PIWIL2: variants seen among roughly 807,000 people sequenced by gnomAD.
The protein encoded by PIWIL2 is piwi-like protein 2.
In PIWIL2, 81 loss-of-function variants were observed where a neutral mutation model predicts 116.5. The ratio of observed to expected loss-of-function variants is 0.70; its 90% CI spans 0.58 to 0.84. PIWIL2 has a LOEUF of 0.84. PIWIL2 is among the 40% of genes least tolerant of loss of function. The pLI is 0.00. For synonymous variants in PIWIL2, 489 were observed against 429.5 expected, an observed-to-expected ratio of 1.14 and a Z score of -1.71; for missense variants, 1,272 against 1,212.3, an observed-to-expected ratio of 1.05 and a Z score of -0.73.
chr8:22,283,279 C>T (rs377731017), intron 5 of PIWIL2, 39 bp downstream of exon 5: 97 of 1,493,934 alleles, frequency 6.5e-5, no homozygotes, highest in South Asian at 4.7e-4. Context: ...TAGTAATGAT[C>T]GTGAAAACTC....
At chr8:22,320,154 G>A (rs1427205390) in intron 20 of PIWIL2, among the ~76,000 whole-genome samples, 1 of 151,844 alleles carries the variant, frequency 6.6e-6, no homozygotes, top group East Asian at 1.9e-4. Flanking sequence ...GTAGAGACAG[G>A]GTTTCGGCGT....
chr8:22,292,753 T>G (rs1830793707), intron 10 of PIWIL2, among the ~76,000 whole-genome samples: 1 of 152,220 alleles, frequency 6.6e-6, no homozygotes, highest in East Asian at 1.9e-4. Flanking sequence ...AAAAGGAGAT[T>G]GGTCGTTTGT....
chr8:22,316,551 A>G (rs978955549), intron 19 of PIWIL2, among the ~76,000 whole-genome samples: 3 of 151,678 alleles, frequency 2.0e-5, no homozygotes, highest in Non-Finnish European at 2.9e-5. Flanking sequence ...GTGCTATCTT[A>G]GCTCACTGCA....
At chr8:22,331,125 A>C (rs1012830478) in intron 20 of PIWIL2, among the ~76,000 whole-genome samples, 2 of 152,294 alleles carry the variant, frequency 1.3e-5, no homozygotes, top group East Asian at 3.9e-4. Context: ...GCAGTGAGCC[A>C]AGATTGTGCC....
chr8:22,331,165 G>T (rs1831853586), intron 20 of PIWIL2, among the ~76,000 whole-genome samples: 1 of 151,988 alleles, frequency 6.6e-6, no homozygotes, highest in South Asian at 2.1e-4. Context: ...TACAGAGCGA[G>T]ACTCTGTCTC....
rs765883765 is a variant in PIWIL2, at chr8:22,279,366, C to T, written c.-21C>T. The T allele has an allele frequency of 5.4e-5, 87 of 1,596,900 alleles. 1 individual carries two copies. The highest frequency in any genetic ancestry group is 3.5e-4 in the South Asian group (32 of 90,744). ...GTAATTAACCAGAACAGGATCGACA[C>T]GTGTTCTCTACAGCCCGTCCATGGA... On this transcript the variant is annotated 5_prime_UTR_variant, in exon 2 of 23. The change creates a new upstream start codon in the 5' untranslated region. Transcript: ENST00000356766.
intron 10 of PIWIL2, among the ~76,000 whole-genome samples, chr8:22,298,132 C>A (rs531358304): frequency 7.2e-5 from 11 of 152,192 alleles, no homozygotes; most frequent in Non-Finnish European, 1.6e-4. Flanking sequence ...CGGCACACAT[C>A]TGTTATCCCA....
intron 10 of PIWIL2, among the ~76,000 whole-genome samples, chr8:22,295,705 T>C (rs538013901): frequency 2.0e-5 from 3 of 152,270 alleles, no homozygotes; most frequent in East Asian, 1.9e-4. Context: ...CCTGTTCTTA[T>C]GGATCACTGG....
chr8:22,342,552 T>A (rs183653220), intron 20 of PIWIL2, among the ~76,000 whole-genome samples: 5 of 152,330 alleles, frequency 3.3e-5, no homozygotes, highest in African/African-American at 9.6e-5. Flanking sequence ...AAAATGGTGC[T>A]GGAACAAGTG....
At chr8:22,289,759 G>T in intron 8 of PIWIL2, 88 bp from the exon 9 acceptor site, 1 of 787,780 alleles carries the variant, frequency 1.3e-6, no homozygotes, top group South Asian at 1.5e-5. Flanking sequence ...TAACCGTTCA[G>T]ACTTCCAAAG....
chr8:22,356,633 A>G lies in PIWIL2; in HGVS notation c.*1128A>G, dbSNP rs1291809389. ...CTTTTCTCCCAGGTGTGTGGCCTTT[A>G]TTTCTATTTATATATGTTTGTAAAT... On this transcript the variant is annotated 3_prime_UTR_variant, in exon 23 of 23. Transcript: ENST00000356766. The G allele has an allele frequency of 6.6e-6, 1 of 151,964 alleles. No individual in the cohort carries two copies. Among genetic ancestry groups the G allele is most frequent in the Non-Finnish European group, 1.5e-5 (1 of 67,984 alleles). 9.4% of individuals were successfully genotyped at this position (151,964 alleles called of 1,614,324 possible).
intron 20 of PIWIL2, among the ~76,000 whole-genome samples, chr8:22,332,648 A>G (rs891581855): frequency 2.0e-5 from 3 of 152,146 alleles, no homozygotes; most frequent in African/African-American, 7.2e-5. Context: ...GCTAACATCA[A>G]AATAAACAGC....
At chr8:22,294,532 T>G (rs1415304710) in intron 10 of PIWIL2, among the ~76,000 whole-genome samples, 1 of 147,208 alleles carries the variant, frequency 6.8e-6, no homozygotes, top group Non-Finnish European at 1.5e-5. Flanking sequence ...TCCCAGCTAC[T>G]CAGGAGGATG....
At chr8:22,309,005 A>G (rs1054296540) in intron 14 of PIWIL2, among the ~76,000 whole-genome samples, 1 of 151,668 alleles carries the variant, frequency 6.6e-6, no homozygotes, top group Non-Finnish European at 1.5e-5. Context: ...CTTGTTGGCC[A>G]GGCTGGAGTG....
chr8:22,330,300 A>G (rs914240949), intron 20 of PIWIL2, among the ~76,000 whole-genome samples: 2 of 152,026 alleles, frequency 1.3e-5, no homozygotes, highest in African/African-American at 2.4e-5. Context: ...TCTTTCTTGT[A>G]ATTTCTGTGC....
chr8:22,310,960 T>TA, intron 15 of PIWIL2, 152 bp from the exon 16 acceptor site: 1 of 647,168 alleles, frequency 1.5e-6, no homozygotes, highest in Non-Finnish European at 2.6e-6. Flanking sequence ...ACAGTTTTCT[T>TA]ATCATGTACG....
chr8:22,281,421 A>G lies in PIWIL2; in HGVS notation c.331A>G (p.Lys111Glu), dbSNP rs761820972. The G allele has an allele frequency of 1.2e-6, 2 of 1,607,158 alleles. No individual in the cohort carries two copies. Among genetic ancestry groups the G allele is most frequent in the East Asian group, 2.2e-5 (1 of 44,788 alleles). Residue 111 changes from lysine to glutamate, a missense_variant, in exon 4 of 23, where the codon AAG becomes GAG. By Grantham distance (56) the Lys-to-Glu change is moderately conservative. Transcript: ENST00000356766. ...AGGCTTGTCTGCTAATCTGGTACGC[A>G]AGGACAGGGAGGAACTCTCTCCCAC... ...GRGLSANLVR[K>E]DREELSPTFW...
intron 20 of PIWIL2, among the ~76,000 whole-genome samples, chr8:22,320,873 G>C (rs1430888265): frequency 6.6e-6 from 1 of 152,082 alleles, no homozygotes; most frequent in African/African-American, 2.4e-5. Flanking sequence ...GATTATAGGC[G>C]TGAGCCACCG....
chr8:22,328,933 C>G (rs1831795712), intron 20 of PIWIL2, among the ~76,000 whole-genome samples: 1 of 132,502 alleles, frequency 7.5e-6, no homozygotes, highest in African/African-American at 2.8e-5. Flanking sequence ...ATTTCCTTTT[C>G]TTTCTTAATT....
Sources: gnomAD v4.1 joint callset for allele counts (sites outside exome capture counted in the v4.1 genomes callset) on GRCh38, gnomAD v4.1.1 for gene constraint, MANE v1.5 for transcripts, NCBI Gene and HGNC (gene_info 2026-07-23, HGNC 2026-07-21) for gene names.